PCDH15: variants seen among roughly 807,000 people sequenced by gnomAD.
PCDH15 encodes the protein protocadherin-15.
Under a neutral mutation model 178.5 loss-of-function variants are expected in PCDH15, and 129 were observed. The ratio of observed to expected loss-of-function variants is 0.72; its 90% confidence interval spans 0.63 to 0.84. The LOEUF (loss-of-function observed/expected upper bound fraction) is 0.84. Ranked by LOEUF, PCDH15 falls within the 40% of genes least tolerant of loss-of-function variation. PCDH15 has a pLI of 0.00. For synonymous variants in PCDH15, 800 were observed against 732.0 expected, an observed-to-expected ratio of 1.09 and a Z score of -1.50; for missense variants, 2,230 against 2,099.9, an observed-to-expected ratio of 1.06 and a Z score of -1.21.
chr10:54,036,887 T>C (rs898430403), intron 18 of PCDH15, among the ~76,000 whole-genome samples: 1 of 151,974 alleles, frequency 6.6e-6, no homozygotes, highest in African/African-American at 2.4e-5. Flanking sequence ...TTTTGATTCA[T>C]GGAAGGAGGT....
intron 2 of PCDH15, among the ~76,000 whole-genome samples, chr10:55,449,421 A>C (rs1839385604): frequency 6.6e-6 from 1 of 152,130 alleles, no homozygotes; most frequent in Non-Finnish European, 1.5e-5. Flanking sequence ...GCAATAAAAT[A>C]CAAAGAGTAC....
At chr10:54,219,463 G>A (rs1009091199) in intron 9 of PCDH15, among the ~76,000 whole-genome samples, 11 of 150,360 alleles carry the variant, frequency 7.3e-5, no homozygotes, top group African/African-American at 2.4e-4. Flanking sequence ...CTTGGTGGCG[G>A]GTGACTGTAG....
chr10:54,096,471 C>T (rs555833395), intron 15 of PCDH15, among the ~76,000 whole-genome samples: 134 of 152,168 alleles, frequency 8.8e-4, no homozygotes, highest in African/African-American at 2.9e-3. Context: ...CTTTGCCTGT[C>T]ATTGCTGTCA....
chr10:54,598,071 G>T (rs1426907416), intron 2 of PCDH15, among the ~76,000 whole-genome samples: 1 of 152,004 alleles, frequency 6.6e-6, no homozygotes, highest in Non-Finnish European at 1.5e-5. Context: ...AAGAGTTGGT[G>T]CATTCCTACT....
intron 2 of PCDH15, among the ~76,000 whole-genome samples, chr10:55,587,928 GA>G (rs2132127863): frequency 6.6e-6 from 1 of 152,174 alleles, no homozygotes; most frequent in East Asian, 1.9e-4. Flanking sequence ...GAATAAGAGG[GA>G]AAAAGAAAGA....
At chr10:54,293,243 C>T (rs954937757) in intron 8 of PCDH15, among the ~76,000 whole-genome samples, 1 of 152,144 alleles carries the variant, frequency 6.6e-6, no homozygotes, top group Non-Finnish European at 1.5e-5. Flanking sequence ...ATAAATGGTG[C>T]TAGGAAAACT....
At chr10:54,688,103 A>C (rs2095048217) in intron 1 of PCDH15, among the ~76,000 whole-genome samples, 1 of 152,176 alleles carries the variant, frequency 6.6e-6, no homozygotes, top group Non-Finnish European at 1.5e-5. Context: ...TATTAATTAT[A>C]AATTTATTAC....
At chr10:54,296,320 A>C (rs56289006) in intron 8 of PCDH15, among the ~76,000 whole-genome samples, 41,257 of 151,658 alleles carry the variant, frequency 0.27, 6,583 homozygotes, top group Middle Eastern at 0.39. Flanking sequence ...AGCCGAGGGT[A>C]GACAGAGTGG....
intron 2 of PCDH15, among the ~76,000 whole-genome samples, chr10:55,484,729 C>A (rs1048959361): frequency 7.3e-5 from 11 of 151,632 alleles, no homozygotes; most frequent in African/African-American, 2.7e-4. Context: ...GATATAAATT[C>A]TTGCATTTAC....
At chr10:54,860,464 C>T (rs1446561497) in intron 3 of PCDH15, among the ~76,000 whole-genome samples, 1 of 152,164 alleles carries the variant, frequency 6.6e-6, no homozygotes, top group Non-Finnish European at 1.5e-5. Context: ...ATCCATGTTA[C>T]TGCAAAGCAC....
chr10:54,514,855 T>C (rs992284749), intron 3 of PCDH15, among the ~76,000 whole-genome samples: 4 of 152,192 alleles, frequency 2.6e-5, no homozygotes, highest in Non-Finnish European at 5.9e-5. Flanking sequence ...CAATGGTTCA[T>C]CAGTAACAGA....
chr10:54,290,432 C>T (rs2059324351), intron 8 of PCDH15, among the ~76,000 whole-genome samples: 1 of 152,082 alleles, frequency 6.6e-6, no homozygotes, highest in Non-Finnish European at 1.5e-5. Flanking sequence ...TACCAGCCAC[C>T]TCAAAAACAT....
At chr10:54,158,071 T>C (rs987982150) in intron 13 of PCDH15, among the ~76,000 whole-genome samples, 3 of 152,166 alleles carry the variant, frequency 2.0e-5, no homozygotes, top group African/African-American at 7.2e-5. Context: ...CTTCCTGTCT[T>C]TTTCTAACAC....
In PCDH15 at chr10:55,406,876, G is replaced by A. The variant is rs2132030938; in HGVS notation, c.-156+220749C>T. 1.3e-5 allele frequency among the ~76,000 whole-genome samples: 2 copies of A among 152,294 alleles called. 1 individual carries two copies. Among genetic ancestry groups the A allele is most frequent in the South Asian group, 4.1e-4 (2 of 4,828 alleles). On this transcript the variant is annotated intron_variant, in intron 2 of 5. Coordinates refer to the PCDH15 transcript ENST00000613346. The stretch of plus-strand genomic sequence containing the variant: ...AAGTGGTATAAAACAAGAGACTCCA[G>A]TAAAACAGACAGAGTGACAAGTTAA...
intron 2 of PCDH15, among the ~76,000 whole-genome samples, chr10:55,046,971 T>G (rs1286397566): frequency 6.6e-6 from 1 of 151,908 alleles, no homozygotes; most frequent in Non-Finnish European, 1.5e-5. Context: ...TTCATCTATA[T>G]TCAATGTTGT....
At chr10:55,170,883 A>G (rs975152163) in intron 1 of PCDH15, among the ~76,000 whole-genome samples, 1 of 152,128 alleles carries the variant, frequency 6.6e-6, no homozygotes, top group Non-Finnish European at 1.5e-5. Context: ...CTCCATCTCA[A>G]AAAAAAGAAA....
At chr10:53,903,421 A>G (rs1292107443) in intron 25 of PCDH15, 51 bp from the exon 26 acceptor site, 1 of 1,603,518 alleles carries the variant, frequency 6.2e-7, no homozygotes, top group Admixed American at 1.7e-5. Flanking sequence ...TCATGGGGGA[A>G]AAAATGCACT....
chr10:54,918,482 T>A (rs947417473), intron 2 of PCDH15, among the ~76,000 whole-genome samples: 2 of 152,180 alleles, frequency 1.3e-5, no homozygotes, highest in Non-Finnish European at 1.5e-5. Context: ...AACACTCTCA[T>A]TTAAGAGATG....
At chr10:54,250,553 G>A (rs2132084541) in intron 8 of PCDH15, among the ~76,000 whole-genome samples, 1 of 152,152 alleles carries the variant, frequency 6.6e-6, no homozygotes, top group Middle Eastern at 3.4e-3. Context: ...AAAGTGCTGG[G>A]ATTACAGGCC....
Sources: allele counts gnomAD v4.1 joint callset (sites outside exome capture counted in the v4.1 genomes callset), GRCh38; gene constraint gnomAD v4.1.1; transcripts MANE v1.5; gene names NCBI Gene and HGNC (gene_info 2026-07-23, HGNC 2026-07-21).